The following AP4E1 variants were observed in gnomAD, a reference collection of about 807,000 sequenced individuals.
AP4E1 encodes the protein adaptor related protein complex 4 subunit epsilon 1.
A neutral mutation model predicts 128.2 loss-of-function variants in AP4E1; 56 were observed. The ratio of observed to expected loss-of-function variants is 0.44; its 90% confidence interval spans 0.35 to 0.55. The LOEUF (loss-of-function observed/expected upper bound fraction) is 0.55. Ranked by LOEUF, AP4E1 falls within the 20% of genes least tolerant of loss-of-function variation. AP4E1 has a pLI of 0.00. For missense variants in AP4E1, 1,324 were observed against 1,307.7 expected, an observed-to-expected ratio of 1.01 and a Z score of -0.19; for synonymous variants, 484 against 473.1, an observed-to-expected ratio of 1.02 and a Z score of -0.30.
chr15:50,968,855 C>T (rs2064434375), intron 15 of AP4E1, among the ~76,000 whole-genome samples: 1 of 151,396 alleles, frequency 6.6e-6, no homozygotes, highest in African/African-American at 2.4e-5. Flanking sequence ...CAAACTTCGG[C>T]CTCAAGTGAT....
intron 13 of AP4E1, among the ~76,000 whole-genome samples, chr15:50,951,024 T>C (rs2064142326): frequency 6.6e-6 from 1 of 152,226 alleles, no homozygotes; most frequent in African/African-American, 2.4e-5. Context: ...CTATCATTGA[T>C]AGGCTATCTG....
intron 16 of AP4E1, among the ~76,000 whole-genome samples, chr15:50,987,799 TA>T (rs1309068053): frequency 6.6e-6 from 1 of 152,214 alleles, no homozygotes; most frequent in Non-Finnish European, 1.5e-5. Context: ...GAAAGGTTTT[TA>T]AAAGCTAAAT....
At chr15:50,969,475 T>C (rs1233076242) in intron 15 of AP4E1, among the ~76,000 whole-genome samples, 1 of 151,030 alleles carries the variant, frequency 6.6e-6, no homozygotes, top group African/African-American at 2.4e-5. Context: ...TATGGACTAG[T>C]GAGCTTCATT....
At chr15:50,978,256 G>A (rs994587095) in intron 15 of AP4E1, among the ~76,000 whole-genome samples, 12 of 152,028 alleles carry the variant, frequency 7.9e-5, no homozygotes, top group Admixed American at 7.9e-4. Context: ...AATAAAATGT[G>A]TTATAACTCC....
At chr15:50,944,079 G>A (rs2064023634) in intron 10 of AP4E1, among the ~76,000 whole-genome samples, 1 of 152,148 alleles carries the variant, frequency 6.6e-6, no homozygotes, top group Non-Finnish European at 1.5e-5. Context: ...AATTATGAAG[G>A]TTGATCTGTT....
intron 15 of AP4E1, among the ~76,000 whole-genome samples, chr15:50,980,979 G>A (rs866018027): frequency 2.1e-4 from 32 of 152,286 alleles, no homozygotes; most frequent in African/African-American, 7.5e-4. Context: ...TCACGGGTGT[G>A]GAGCCATCAC....
At chr15:50,972,968 G>T (rs2064502070) in intron 15 of AP4E1, among the ~76,000 whole-genome samples, 1 of 152,160 alleles carries the variant, frequency 6.6e-6, no homozygotes, top group Non-Finnish European at 1.5e-5. Flanking sequence ...AATATCTGAT[G>T]ATTTAAGTTA....
chr15:50,927,321 G>T (rs1316193020), intron 5 of AP4E1, among the ~76,000 whole-genome samples: 1 of 152,178 alleles, frequency 6.6e-6, no homozygotes, highest in Non-Finnish European at 1.5e-5. Context: ...GGAGTAAAGA[G>T]CTGACGAATA....
chr15:50,934,391 T>A, intron 7 of AP4E1: 1 of 370,830 alleles, frequency 2.7e-6, no homozygotes, highest in Non-Finnish European at 5.0e-6. Flanking sequence ...GAGGAAAGAG[T>A]TGATTGACAT....
At chr15:50,981,550 G>A (rs1261088950) in intron 15 of AP4E1, among the ~76,000 whole-genome samples, 2 of 152,202 alleles carry the variant, frequency 1.3e-5, no homozygotes, top group Admixed American at 6.5e-5. Context: ...GTTAATGCTG[G>A]AATGAGTTAA....
chr15:50,941,531 G>C lies in AP4E1; in HGVS notation c.1033G>C (p.Val345Leu). The C allele has an allele frequency of 6.2e-7, 1 of 1,613,110 alleles. No individual in the cohort carries two copies. The highest frequency in any genetic ancestry group is 1.3e-5 in the African/African-American group (1 of 75,020). Residue 345 changes from valine to leucine, a missense_variant, in exon 9 of 21, where the codon GTT (valine) becomes CTT (leucine). Physicochemically the swap from Val to Leu is conservative, Grantham distance 32 (BLOSUM62 1). Coordinates refer to ENST00000261842, the MANE Select transcript of AP4E1 (RefSeq NM_007347.5). ...GGCTGCCAAGTGCATTGGAAAATTTGTTCTGTCACCTAAAATAAATCTAAA... is the reference window on the plus strand; with the variant it reads ...GGCTGCCAAGTGCATTGGAAAATTTCTTCTGTCACCTAAAATAAATCTAAA... ...EKAAKCIGKF[V>L]LSPKINLKYL...
At chr15:50,912,552 C>T (rs2663531) in intron 2 of AP4E1, among the ~76,000 whole-genome samples, 120,575 of 152,176 alleles carry the variant, frequency 0.79, 48,316 homozygotes, top group African/African-American at 0.9. Context: ...TCTACATAAT[C>T]TGATTTTTCA....
chr15:50,962,573 CCTAT>C (rs2064330045), intron 14 of AP4E1, among the ~76,000 whole-genome samples: 1 of 151,768 alleles, frequency 6.6e-6, no homozygotes, highest in Admixed American at 6.6e-5. Flanking sequence ...AAACGAGATC[CCTAT>C]CTCTCACCAT....
chr15:50,921,337 A>G (rs920851356), intron 3 of AP4E1, among the ~76,000 whole-genome samples: 2 of 151,770 alleles, frequency 1.3e-5, no homozygotes, highest in Non-Finnish European at 2.9e-5. Context: ...GATAGTATTT[A>G]TCTTCATTTT....
rs982019997 is a variant in AP4E1, at chr15:50,947,965, A to G, written c.1177-55A>G. ...GGTCAACCTTTATGTTACTGTACTC[A>G]TTGGTGTTATGCATAGTTTTATAAT... On this transcript the variant is annotated intron_variant, in intron 10 of 20. Transcript: ENST00000261842. The G allele has an allele frequency of 1.5e-5, 20 of 1,348,142 alleles. 2 individuals are homozygous for G. In the Admixed American group the frequency reaches 3.3e-4, roughly 23 times the overall value. 83.5% of individuals were successfully genotyped at this position (1,348,142 alleles called of 1,614,324 possible).
Position 50,920,110 on chromosome 15 carries a change from C to CTTCTT in AP4E1, c.347-3819_347-3818insCTTTT, listed in dbSNP as rs1555454236. Among the ~76,000 whole-genome samples the CTTCTT allele has an allele frequency of 2.9e-3, 147 of 50,102 alleles. 4 individuals are homozygous for CTTCTT. The highest frequency in any genetic ancestry group is 7.0e-3 in the African/African-American group (89 of 12,750). The allele number at this position is 50,102 out of a possible 152,430, so 32.9% of individuals were successfully genotyped here. A position where few individuals can be genotyped will look rare whatever the true frequency, so the allele number is the denominator to read the frequency against. On this transcript the variant is annotated intron_variant, in intron 3 of 20. Coordinates refer to ENST00000261842, the MANE Select transcript of AP4E1 (RefSeq NM_007347.5). The stretch of plus-strand genomic sequence containing the variant: ...AAAAAAAAAAAGATAAAATTTATGC[C>CTTCTT]TTTTTTTTTTTTTTTTTTTTTGAGA...
At chr15:50,970,090 C>T (rs530612206) in intron 15 of AP4E1, among the ~76,000 whole-genome samples, 1 of 152,254 alleles carries the variant, frequency 6.6e-6, no homozygotes, top group South Asian at 2.1e-4. Context: ...CTATTCTTCC[C>T]TTACCCCTAC....
At chr15:50,908,558 A>G (rs1324810077), upstream of AP4E1, 8 of 500,638 alleles carry the variant, frequency 1.6e-5, no homozygotes, top group Non-Finnish European at 2.3e-5. Flanking sequence ...TTACGCGCGC[A>G]ATCTCGAGCG....
intron 15 of AP4E1, among the ~76,000 whole-genome samples, chr15:50,971,430 G>T (rs575944867): frequency 1.3e-5 from 2 of 152,198 alleles, no homozygotes; most frequent in East Asian, 1.9e-4. Flanking sequence ...AAAAGGACCT[G>T]CTTGGGGTTG....
Sources: gnomAD v4.1 joint callset for allele counts (sites outside exome capture counted in the v4.1 genomes callset) on GRCh38, gnomAD v4.1.1 for gene constraint, MANE v1.5 for transcripts, NCBI Gene and HGNC (gene_info 2026-07-23, HGNC 2026-07-21) for gene names.